NUP210L: variants seen among roughly 807,000 people sequenced by gnomAD.
NUP210L encodes the protein nuclear pore membrane glycoprotein 210-like.
In NUP210L, 74 loss-of-function variants were observed where a neutral mutation model predicts 208.5. That is an observed-to-expected ratio of 0.35 (90% CI 0.29 to 0.43). The LOEUF is 0.43. Among genes scored for constraint, NUP210L ranks in the 20% least tolerant of loss-of-function variants. The pLI, the probability that NUP210L is intolerant of heterozygous loss-of-function variation, is 1.00. For missense variants in NUP210L, 1,843 were observed against 2,289.4 expected, an observed-to-expected ratio of 0.81 and a Z score of 3.98; for synonymous variants, 780 against 816.9, an observed-to-expected ratio of 0.95 and a Z score of 0.77.
chr1:154,012,594 G>T (rs932590085), intron 33 of NUP210L, among the ~76,000 whole-genome samples: 1 of 151,390 alleles, frequency 6.6e-6, no homozygotes, highest in African/African-American at 2.4e-5. Context: ...CCAGGCTGGA[G>T]TGCAGTGGCA....
chr1:154,066,760 A>G (rs1242385551), intron 17 of NUP210L, among the ~76,000 whole-genome samples: 1 of 152,222 alleles, frequency 6.6e-6, no homozygotes, highest in Non-Finnish European at 1.5e-5. Flanking sequence ...TAAAGGGGAT[A>G]TCACCACCAA....
chr1:154,060,278 C>T (rs1654067629), intron 20 of NUP210L, among the ~76,000 whole-genome samples: 1 of 152,136 alleles, frequency 6.6e-6, no homozygotes, highest in Non-Finnish European at 1.5e-5. Flanking sequence ...ATTTAAGTAT[C>T]TACACAGATG....
intron 3 of NUP210L, among the ~76,000 whole-genome samples, chr1:154,142,181 G>A (rs1014948102): frequency 3.4e-5 from 5 of 148,474 alleles, no homozygotes; most frequent in African/African-American, 7.4e-5. Context: ...CAGAATTCCC[G>A]AATAGTTCAT....
At chr1:154,057,324 T>C (rs1400398253) in intron 22 of NUP210L, among the ~76,000 whole-genome samples, 1 of 152,060 alleles carries the variant, frequency 6.6e-6, no homozygotes, top group African/African-American at 2.4e-5. Flanking sequence ...CCAAGGTGCT[T>C]AACATTTTCT....
At chr1:154,081,231 G>GA (rs879608080) in intron 16 of NUP210L, among the ~76,000 whole-genome samples, 44 of 139,406 alleles carry the variant, frequency 3.2e-4, no homozygotes, top group South Asian at 6.8e-4. Context: ...TATAAGGATG[G>GA]AAAAAAAAAA....
At chr1:154,141,465 CGTT>C in exon 4 of NUP210L, 1 of 1,612,280 alleles carries the variant, frequency 6.2e-7, no homozygotes, top group South Asian at 1.1e-5. Context: ...CTTGCTGACT[CGTT>C]GTCCTGGGCA....
At chr1:154,024,780 C>T (rs1346346157) in intron 30 of NUP210L, among the ~76,000 whole-genome samples, 3 of 151,354 alleles carry the variant, frequency 2.0e-5, no homozygotes, top group Admixed American at 1.3e-4. Context: ...GATTCTCCTG[C>T]CTCAGCCTTC....
chr1:154,069,581 C>T (rs1484417026), intron 17 of NUP210L, among the ~76,000 whole-genome samples: 2 of 152,112 alleles, frequency 1.3e-5, no homozygotes, highest in Non-Finnish European at 2.9e-5. Context: ...GAAATAGGAA[C>T]GCTTTTACTA....
At chr1:154,074,638 G>A (rs1474730161) in intron 16 of NUP210L, among the ~76,000 whole-genome samples, 1 of 151,776 alleles carries the variant, frequency 6.6e-6, no homozygotes, top group Non-Finnish European at 1.5e-5. Flanking sequence ...ACAGGCACCC[G>A]CCACTACGCC....
chr1:153,992,796 C>A (rs1649536726), exon 40 of NUP210L: 2 of 1,370,622 alleles, frequency 1.5e-6, no homozygotes, highest in Non-Finnish European at 2.0e-6. Flanking sequence ...TAGAAATCTT[C>A]ATTCCCCTGC....
At chr1:154,116,224 C>CA (rs2148093537) in intron 12 of NUP210L, among the ~76,000 whole-genome samples, 1 of 145,514 alleles carries the variant, frequency 6.9e-6, no homozygotes, top group South Asian at 2.2e-4. Flanking sequence ...CACTGCACTC[C>CA]AGCCTTGGCG....
rs1653682893 is a variant in NUP210L at position 154,054,211 on chromosome 1, G to A, written c.3483+17C>T. 1 of 1,613,138 alleles carries A rather than the reference G, an allele frequency of 6.2e-7. No homozygotes were observed. The highest frequency in any genetic ancestry group is 8.5e-7 in the Non-Finnish European group (1 of 1,179,292). On this transcript the variant is annotated intron_variant, in intron 25 of 39. Transcript: ENST00000368559. Reference sequence around the variant, plus strand: ...TCAATAGAAGAATAGAAGCAGAGCAGAGCAAATAACCAATACCTGAGAAAA... The same window carrying A: ...TCAATAGAAGAATAGAAGCAGAGCAAAGCAAATAACCAATACCTGAGAAAA...
intron 8 of NUP210L, among the ~76,000 whole-genome samples, chr1:154,128,616 C>T (rs1254495099): frequency 1.3e-5 from 2 of 151,922 alleles, no homozygotes; most frequent in Non-Finnish European, 2.9e-5. Flanking sequence ...TTTGGGAGGC[C>T]GAGGAGAGCA....
At chr1:154,058,769 A>G in intron 20 of NUP210L, 76 bp from the exon 21 acceptor site, 1 of 1,461,566 alleles carries the variant, frequency 6.8e-7, no homozygotes, top group Non-Finnish European at 9.3e-7. Flanking sequence ...ATTTTCACCC[A>G]AAGCAGAATA....
intron 37 of NUP210L, among the ~76,000 whole-genome samples, chr1:153,996,546 C>T (rs918318138): frequency 2.6e-5 from 4 of 151,904 alleles, no homozygotes; most frequent in African/African-American, 9.6e-5. Flanking sequence ...CTCAGCCTCC[C>T]TAGTAGCTGG....
rs963286051 is a variant in NUP210L, at chr1:154,043,319, CT to C, written c.3696+2749del. 2.8e-3 allele frequency among the ~76,000 whole-genome samples: 400 copies of C among 143,640 alleles called. 2 individuals are homozygous for C. Among genetic ancestry groups the C allele is most frequent in the Non-Finnish European group, 3.1e-3 (201 of 65,108 alleles). The allele number at this position is 143,640 out of a possible 152,430, so 94.2% of individuals were successfully genotyped here. On this transcript the variant is annotated intron_variant, in intron 27 of 39. Transcript: ENST00000368559. Reference sequence around the variant, plus strand: ...ACAGGCGTGAGCCACTGCACTCCGCCTTTTTTTTTTTTGAGATGGAGTTTCA... The same window carrying C: ...ACAGGCGTGAGCCACTGCACTCCGCCTTTTTTTTTTTGAGATGGAGTTTCA...
At chr1:154,130,301 T>C (rs1431648007) in intron 7 of NUP210L, among the ~76,000 whole-genome samples, 3 of 152,022 alleles carry the variant, frequency 2.0e-5, no homozygotes, top group Admixed American at 6.6e-5. Context: ...ATTGCGCCAT[T>C]GCACTCTGTC....
At position 154,009,792 on chromosome 1, in the gene NUP210L, CAAAAA is replaced by C. The variant is rs373230285; in HGVS notation, c.4930+175_4930+179del. Reference sequence around the variant, plus strand: ...TAGGCAACACAGCAAGACCCAGTCTCAAAAAAAAAAAAAAAAAGAAAAAAGAGTTG... The same window carrying C: ...TAGGCAACACAGCAAGACCCAGTCTCAAAAAAAAAAAAGAAAAAAGAGTTG... On this transcript the variant is annotated intron_variant, in intron 35 of 39. Coordinates refer to ENST00000368559, the Ensembl canonical transcript of NUP210L. 6.9e-3 allele frequency among the ~76,000 whole-genome samples: 448 copies of C among 64,578 alleles called. 6 individuals carry two copies. The highest frequency in any genetic ancestry group is 0.02 in the African/African-American group (404 of 19,812). 42.4% of individuals were successfully genotyped at this position (64,578 alleles called of 152,430 possible).
At chr1:154,054,181 G>T in intron 25 of NUP210L, 47 bp downstream of exon 25, 6 of 1,596,408 alleles carry the variant, frequency 3.8e-6, no homozygotes, top group Non-Finnish European at 4.3e-6. Flanking sequence ...CCACAGTATG[G>T]TTCCTCAATA....
Sources: allele counts gnomAD v4.1 joint callset (sites outside exome capture counted in the v4.1 genomes callset), GRCh38; gene constraint gnomAD v4.1.1; transcripts MANE v1.5; gene names NCBI Gene and HGNC (gene_info 2026-07-23, HGNC 2026-07-21).